PDE4D: variants seen among roughly 807,000 people sequenced by gnomAD.
PDE4D encodes the protein phosphodiesterase 4D.
A neutral mutation model predicts 87.4 loss-of-function variants in PDE4D; 24 were observed. That is an observed-to-expected ratio of 0.27 (90% confidence interval 0.20 to 0.39). The LOEUF (loss-of-function observed/expected upper bound fraction) is 0.39. Among genes scored for constraint, PDE4D ranks in the 10% least tolerant of loss-of-function variants. The pLI is 1.00. For missense variants in PDE4D, 714 were observed against 1,041.0 expected (o/e 0.69, Z 4.32); for synonymous variants, 384 against 383.2 (o/e 1.00, Z -0.02).
At chr5:59,108,751 A>C (rs1378756192) in intron 5 of PDE4D, among the ~76,000 whole-genome samples, 1 of 151,914 alleles carries the variant, frequency 6.6e-6, no homozygotes, top group Non-Finnish European at 1.5e-5. Flanking sequence ...ACAACGACAA[A>C]AAATTAGCCA....
At chr5:60,448,083 G>A (rs1426875530) in intron 1 of PDE4D, among the ~76,000 whole-genome samples, 2 of 151,756 alleles carry the variant, frequency 1.3e-5, no homozygotes, top group Non-Finnish European at 2.9e-5. Context: ...AAATCTATTT[G>A]ATTCAAAATT....
At chr5:59,039,452 G>A (rs1287286000) in intron 5 of PDE4D, 6 of 993,118 alleles carry the variant, frequency 6.0e-6, no homozygotes, top group South Asian at 4.4e-5. Context: ...CCCGCCTGCC[G>A]AGCCTTCTGC....
chr5:60,037,614 G>A (rs1313796221), intron 2 of PDE4D, among the ~76,000 whole-genome samples: 1 of 152,122 alleles, frequency 6.6e-6, no homozygotes, highest in African/African-American at 2.4e-5. Context: ...TGCCCTGGTG[G>A]GGTTTTTGCT....
intron 1 of PDE4D, among the ~76,000 whole-genome samples, chr5:60,495,872 C>T (rs1255511612): frequency 6.6e-6 from 1 of 152,138 alleles, no homozygotes; most frequent in Non-Finnish European, 1.5e-5. Context: ...CCAGAAATTC[C>T]CAATGTAAAA....
At chr5:59,579,710 A>G (rs1372182086) in intron 1 of PDE4D, among the ~76,000 whole-genome samples, 2 of 152,312 alleles carry the variant, frequency 1.3e-5, no homozygotes, top group African/African-American at 4.8e-5. Flanking sequence ...TATGCTCCAC[A>G]CACCAAGTGT....
At chr5:59,885,556 G>A (rs767436335) in intron 1 of PDE4D, among the ~76,000 whole-genome samples, 3 of 152,116 alleles carry the variant, frequency 2.0e-5, no homozygotes, top group Admixed American at 6.5e-5. Context: ...GTGGATAAAA[G>A]ACTCATTGAG....
intron 2 of PDE4D, among the ~76,000 whole-genome samples, chr5:60,031,234 T>C (rs1452402257): frequency 6.6e-6 from 1 of 152,236 alleles, no homozygotes; most frequent in Non-Finnish European, 1.5e-5. Context: ...TGATTTAGTC[T>C]ATAGATACAA....
chr5:59,617,288 A>G (rs1477783300), intron 1 of PDE4D, among the ~76,000 whole-genome samples: 1 of 152,032 alleles, frequency 6.6e-6, no homozygotes, highest in Non-Finnish European at 1.5e-5. Context: ...TCATTTACTA[A>G]CTTCTCTTCC....
At chr5:59,294,722 C>T (rs1768721858) in intron 1 of PDE4D, among the ~76,000 whole-genome samples, 1 of 152,194 alleles carries the variant, frequency 6.6e-6, no homozygotes, top group Non-Finnish European at 1.5e-5. Context: ...TTAAGACTGT[C>T]TCTCTTTTGT....
chr5:59,459,528 C>T (rs1431187402), intron 1 of PDE4D, among the ~76,000 whole-genome samples: 2 of 152,116 alleles, frequency 1.3e-5, no homozygotes, highest in African/African-American at 2.4e-5. Flanking sequence ...TAATATTACC[C>T]AGGTGAAGCT....
chr5:59,137,329 G>A (rs935731124), intron 5 of PDE4D, among the ~76,000 whole-genome samples: 3 of 152,152 alleles, frequency 2.0e-5, no homozygotes, highest in African/African-American at 7.2e-5. Flanking sequence ...TGAAAGAACT[G>A]TGAGGGAAGG....
chr5:59,623,689 T>C (rs1300458026), intron 1 of PDE4D, among the ~76,000 whole-genome samples: 2 of 152,190 alleles, frequency 1.3e-5, no homozygotes, highest in Non-Finnish European at 2.9e-5. Flanking sequence ...CTTCTGTACC[T>C]TCTAGACTGT....
At chr5:59,752,261 T>C (rs1760589724) in intron 1 of PDE4D, among the ~76,000 whole-genome samples, 1 of 152,190 alleles carries the variant, frequency 6.6e-6, no homozygotes, top group Non-Finnish European at 1.5e-5. Flanking sequence ...TTCTATCAAT[T>C]GTATGTTTAC....
intron 1 of PDE4D, among the ~76,000 whole-genome samples, chr5:60,367,118 T>C (rs1760621550): frequency 6.6e-6 from 1 of 152,036 alleles, no homozygotes; most frequent in Admixed American, 6.5e-5. Flanking sequence ...TGTTGGGAGA[T>C]AAAAAGCAAT....
chr5:60,005,389 G>A (rs1355464817), intron 2 of PDE4D, among the ~76,000 whole-genome samples: 2 of 151,968 alleles, frequency 1.3e-5, no homozygotes, highest in African/African-American at 2.4e-5. Flanking sequence ...TTGCAGCTTG[G>A]TGACAATAGA....
intron 1 of PDE4D, among the ~76,000 whole-genome samples, chr5:60,482,245 C>A (rs1417355456): frequency 1.3e-5 from 2 of 152,014 alleles, no homozygotes; most frequent in Non-Finnish European, 2.9e-5. Flanking sequence ...CACTTGCAAC[C>A]CAAAAGACAG....
chr5:59,664,553 G>A (rs1238924131), intron 1 of PDE4D, among the ~76,000 whole-genome samples: 1 of 152,064 alleles, frequency 6.6e-6, no homozygotes, highest in Non-Finnish European at 1.5e-5. Context: ...AAATAAATAG[G>A]CAAATCCCAG....
At chr5:59,745,883 C>A (rs180793839) in intron 1 of PDE4D, among the ~76,000 whole-genome samples, 23 of 152,214 alleles carry the variant, frequency 1.5e-4, no homozygotes, top group African/African-American at 4.3e-4. Flanking sequence ...CAGTAAGAAC[C>A]AACAATTCAA....
chr5:59,666,921 C>T (rs1746165031), intron 1 of PDE4D, among the ~76,000 whole-genome samples: 1 of 152,152 alleles, frequency 6.6e-6, no homozygotes, highest in Non-Finnish European at 1.5e-5. Flanking sequence ...TGATGGACTG[C>T]AGCACCCTCT....
Sources: gnomAD v4.1 joint callset for allele counts (sites outside exome capture counted in the v4.1 genomes callset) on GRCh38, gnomAD v4.1.1 for gene constraint, MANE v1.5 for transcripts, NCBI Gene and HGNC (gene_info 2026-07-23, HGNC 2026-07-21) for gene names.